APBA1: variants seen among roughly 807,000 people sequenced by gnomAD.
The protein encoded by APBA1 is amyloid-beta A4 precursor protein-binding family A member 1.
APBA1 carries 55 observed loss-of-function variants against 86.6 expected under a neutral mutation model. The ratio of observed to expected loss-of-function variants is 0.64; its 90% CI spans 0.51 to 0.80. The LOEUF (loss-of-function observed/expected upper bound fraction) is 0.80, where lower values mean the gene tolerates loss of function less well. Among genes scored for constraint, APBA1 ranks in the 30% least tolerant of loss-of-function variants. The pLI is 0.00. For missense variants in APBA1, 1,090 were observed against 1,183.0 expected, an observed-to-expected ratio of 0.92 and a Z score of 1.15; for synonymous variants, 511 against 493.9, an observed-to-expected ratio of 1.03 and a Z score of -0.46.
chr9:69,471,129 G>A (rs111403332), intron 4 of APBA1, among the ~76,000 whole-genome samples: 36 of 152,264 alleles, frequency 2.4e-4, no homozygotes, highest in African/African-American at 7.7e-4. Context: ...TCACAGGATT[G>A]AAGTGAGGAT....
chr9:69,526,984 A>G (rs963734335), intron 1 of APBA1, among the ~76,000 whole-genome samples: 1 of 152,104 alleles, frequency 6.6e-6, no homozygotes, highest in Non-Finnish European at 1.5e-5. Flanking sequence ...GGAACAGAAA[A>G]CCAAACACTA....
chr9:69,474,741 G>A (rs1353165589), intron 3 of APBA1, among the ~76,000 whole-genome samples: 1 of 152,092 alleles, frequency 6.6e-6, no homozygotes, highest in Non-Finnish European at 1.5e-5. Context: ...GTCTATGTTT[G>A]TTTGTTTGGT....
intron 1 of APBA1, among the ~76,000 whole-genome samples, chr9:69,598,881 T>A (rs1039212395): frequency 6.6e-5 from 10 of 152,252 alleles, no homozygotes; most frequent in Admixed American, 2.0e-4. Context: ...GTGCTTTTTT[T>A]AGTTTATATT....
chr9:69,591,366 T>G (rs890328943), intron 1 of APBA1, among the ~76,000 whole-genome samples: 8 of 152,330 alleles, frequency 5.3e-5, no homozygotes, highest in Non-Finnish European at 8.8e-5. Flanking sequence ...CAAATATTCC[T>G]AAATGTCTTA....
At chr9:69,658,133 G>C (rs1012696482) in intron 1 of APBA1, among the ~76,000 whole-genome samples, 3 of 152,210 alleles carry the variant, frequency 2.0e-5, no homozygotes, top group Non-Finnish European at 4.4e-5. Flanking sequence ...GGAATGTGGA[G>C]ATTCCCAGTG....
intron 2 of APBA1, among the ~76,000 whole-genome samples, chr9:69,502,048 G>T (rs568583846): frequency 6.6e-6 from 1 of 152,048 alleles, no homozygotes; most frequent in Non-Finnish European, 1.5e-5. Flanking sequence ...CATATATACT[G>T]TCTGGTGAGA....
At chr9:69,475,142 G>A (rs1835422759) in intron 3 of APBA1, among the ~76,000 whole-genome samples, 1 of 152,170 alleles carries the variant, frequency 6.6e-6, no homozygotes, top group Non-Finnish European at 1.5e-5. Flanking sequence ...GGAAGGCAGT[G>A]TCTCCCCTCT....
At chr9:69,497,508 C>T (rs1156603507) in intron 2 of APBA1, among the ~76,000 whole-genome samples, 3 of 152,174 alleles carry the variant, frequency 2.0e-5, no homozygotes, top group African/African-American at 4.8e-5. Flanking sequence ...GCCCAGTGGC[C>T]CAGGTCACTC....
Position 69,552,704 on chromosome 9 carries a change from T to C in APBA1, c.-69-35425A>G, listed in dbSNP as rs147144363. 2.6e-5 allele frequency among the ~76,000 whole-genome samples: 4 copies of C among 152,318 alleles called. No individual in the cohort carries two copies. The East Asian group carries it at 7.7e-4, about 29-fold the overall frequency. Reference sequence around the variant, plus strand: ...AGAGCAAAAGCTATACTTAAAAAAGTTGAGATCCAATTCATTCATGTACAG... The same window carrying C: ...AGAGCAAAAGCTATACTTAAAAAAGCTGAGATCCAATTCATTCATGTACAG... On this transcript the variant is annotated intron_variant, in intron 1 of 12. Coordinates refer to ENST00000265381, the MANE Select transcript of APBA1 (RefSeq NM_001163.4).
intron 1 of APBA1, among the ~76,000 whole-genome samples, chr9:69,634,081 C>T (rs184002991): frequency 0.011 from 1,611 of 152,274 alleles, 28 homozygotes; most frequent in Non-Finnish European, 0.015. Flanking sequence ...AAAAATCAGA[C>T]GAGCAATCAA....
At chr9:69,644,214 A>G (rs1157335845) in intron 1 of APBA1, among the ~76,000 whole-genome samples, 1 of 152,188 alleles carries the variant, frequency 6.6e-6, no homozygotes. Context: ...TATCTTCTCT[A>G]CTGTATCACC....
At position 69,607,009 on chromosome 9, in the gene APBA1, C is replaced by A. The variant is rs542257708; in HGVS notation, c.-70+65144G>T. Among the ~76,000 whole-genome samples the A allele has an allele frequency of 7.9e-5, 12 of 152,204 alleles. No homozygotes were observed. The East Asian group carries it at 1.9e-3, about 24-fold the overall frequency. On this transcript the variant is annotated intron_variant, in intron 1 of 12. Coordinates refer to ENST00000265381, the MANE Select transcript of APBA1 (RefSeq NM_001163.4). Reference sequence around the variant, plus strand: ...ATTTCTAAGAGATACAGCAGAAGTTCTTTTAAAGAAACCCCCATAATTCTG... The same window carrying A: ...ATTTCTAAGAGATACAGCAGAAGTTATTTTAAAGAAACCCCCATAATTCTG...
intron 1 of APBA1, among the ~76,000 whole-genome samples, chr9:69,630,925 C>G (rs1003392352): frequency 1.3e-5 from 2 of 152,186 alleles, no homozygotes; most frequent in Non-Finnish European, 2.9e-5. Context: ...GAAGATAGAG[C>G]CTCAGAACAA....
chr9:69,650,992 C>A (rs1588412481), intron 1 of APBA1, among the ~76,000 whole-genome samples: 1 of 151,990 alleles, frequency 6.6e-6, no homozygotes, highest in South Asian at 2.1e-4. Context: ...TTTATAATAG[C>A]CAAAAACTGA....
chr9:69,658,326 C>CTTTA (rs1564105115), intron 1 of APBA1, among the ~76,000 whole-genome samples: 1 of 132,278 alleles, frequency 7.6e-6, no homozygotes, highest in Non-Finnish European at 1.6e-5. Context: ...TTCTTTCTTT[C>CTTTA]TTTCTTTCTT....
In APBA1 at chr9:69,446,372, T is replaced by C. The variant is rs545444231; in HGVS notation, c.2181+3212A>G. Among the ~76,000 whole-genome samples, 254 of 152,244 alleles carry C rather than the reference T, an allele frequency of 1.7e-3. 1 individual carries two copies. Among genetic ancestry groups the C allele is most frequent in the South Asian group, 7.5e-3 (36 of 4,822 alleles). On this transcript the variant is annotated intron_variant, in intron 10 of 12. Coordinates refer to ENST00000265381, the MANE Select transcript of APBA1 (RefSeq NM_001163.4). ...ATCGGGGTCTGCCCTGCTAAGTACT[T>C]CTTCACTATGGGTGGCCACGAAAGC...
At chr9:69,551,544 C>T (rs1836785396) in intron 1 of APBA1, among the ~76,000 whole-genome samples, 1 of 127,730 alleles carries the variant, frequency 7.8e-6, no homozygotes, top group Non-Finnish European at 1.7e-5. Flanking sequence ...CAGGGTGAGA[C>T]TCCGCCTCAA....
At chr9:69,513,179 G>GGTTGGTT (rs1412694688) in intron 2 of APBA1, among the ~76,000 whole-genome samples, 2 of 152,166 alleles carry the variant, frequency 1.3e-5, no homozygotes, top group Non-Finnish European at 2.9e-5. Flanking sequence ...TTTCTGACAT[G>GGTTGGTT]GTTGGTTCCT....
At chr9:69,546,169 C>T (rs1836694540) in intron 1 of APBA1, among the ~76,000 whole-genome samples, 1 of 152,054 alleles carries the variant, frequency 6.6e-6, no homozygotes. Context: ...ATTTTTTGGC[C>T]TACATTTTAT....
Sources: gnomAD v4.1 joint callset for allele counts (sites outside exome capture counted in the v4.1 genomes callset) on GRCh38, gnomAD v4.1.1 for gene constraint, MANE v1.5 for transcripts, NCBI Gene and HGNC (gene_info 2026-07-23, HGNC 2026-07-21) for gene names.